Variants in CAMK2D observed in about 807,000 individuals in gnomAD.
CAMK2D encodes the protein calcium/calmodulin-dependent protein kinase type II subunit delta.
In CAMK2D, 37 loss-of-function variants were observed where a neutral mutation model predicts 84.0. That is an observed-to-expected ratio of 0.44 (90% CI 0.34 to 0.58). The LOEUF (loss-of-function observed/expected upper bound fraction) is 0.58. Among genes scored for constraint, CAMK2D ranks in the 20% least tolerant of loss-of-function variants. The probability of loss-of-function intolerance (pLI) is 0.02; values close to 1 mark genes in which losing one functional copy is unlikely to be tolerated. For missense variants in CAMK2D, 448 were observed against 652.5 expected, an observed-to-expected ratio of 0.69 and a Z score of 3.41; for synonymous variants, 202 against 212.5, an observed-to-expected ratio of 0.95 and a Z score of 0.43.
rs2099640930 is a variant in CAMK2D, at chr4:113,761,300, T to G, written c.-232A>C. The G allele has an allele frequency of 1.4e-6, 2 of 1,420,664 alleles. No individual in the cohort carries two copies. Among genetic ancestry groups the G allele is most frequent in the Admixed American group, 5.8e-5 (2 of 34,732 alleles). 88.0% of individuals were successfully genotyped at this position (1,420,664 alleles called of 1,614,324 possible). A position where few individuals can be genotyped will look rare whatever the true frequency, so the allele number is the denominator to read the frequency against. The stretch of plus-strand genomic sequence containing the variant: ...CACAGTCCGCCGATCCTCCTCCTCC[T>G]GCGGGCCTCGCTTCCTTCTTCTCCA... On this transcript the variant is annotated 5_prime_UTR_variant, in exon 1 of 21. Transcript: ENST00000511664.
At chr4:113,554,876 A>G (rs1391216657) in intron 4 of CAMK2D, among the ~76,000 whole-genome samples, 1 of 152,182 alleles carries the variant, frequency 6.6e-6, no homozygotes, top group Non-Finnish European at 1.5e-5. Context: ...GAGTTCTACT[A>G]TGATATGAAG....
At chr4:113,475,749 G>C (rs1472819613) in intron 16 of CAMK2D, among the ~76,000 whole-genome samples, 2 of 152,214 alleles carry the variant, frequency 1.3e-5, no homozygotes, top group African/African-American at 4.8e-5. Context: ...ATATGCAGCA[G>C]CATCTCCGAT....
At chr4:113,658,822 T>G (rs2099214373) in intron 3 of CAMK2D, among the ~76,000 whole-genome samples, 1 of 152,206 alleles carries the variant, frequency 6.6e-6, no homozygotes, top group Non-Finnish European at 1.5e-5. Flanking sequence ...ACTCGAAATC[T>G]CTCTTGTGGT....
At chr4:113,511,715 A>C (rs1054337889) in intron 12 of CAMK2D, among the ~76,000 whole-genome samples, 1 of 152,244 alleles carries the variant, frequency 6.6e-6, no homozygotes, top group Non-Finnish European at 1.5e-5. Flanking sequence ...TGAAACAGGT[A>C]ACTTGACAAA....
intron 13 of CAMK2D, among the ~76,000 whole-genome samples, chr4:113,505,527 G>C (rs1052740281): frequency 6.6e-6 from 1 of 152,086 alleles, no homozygotes; most frequent in African/African-American, 2.4e-5. Flanking sequence ...TGAAAATTTA[G>C]ATCTTCTGAG....
intron 2 of CAMK2D, chr4:113,677,420 A>G: frequency 6.2e-6 from 1 of 162,512 alleles, no homozygotes; most frequent in Non-Finnish European, 1.3e-5. Flanking sequence ...TATTTATTAA[A>G]TGCATTCAGA....
At chr4:113,641,551 A>G (rs2099132289) in intron 3 of CAMK2D, among the ~76,000 whole-genome samples, 1 of 152,222 alleles carries the variant, frequency 6.6e-6, no homozygotes, top group Non-Finnish European at 1.5e-5. Context: ...CGAAAGTGAT[A>G]AAGAGGACAG....
Position 113,672,229 on chromosome 4 carries a change from T to G in CAMK2D, c.161-10457A>C, listed in dbSNP as rs368431582. Among the ~76,000 whole-genome samples the G allele has an allele frequency of 4.6e-5, 7 of 152,262 alleles. No individual in the cohort carries two copies. In the East Asian group the frequency reaches 1.2e-3, roughly 25 times the overall value. ...TATCTTATATTACATTAGTCATGAG[T>G]GACCCGCCATAGTAAAATGATCACT... On this transcript the variant is annotated intron_variant, in intron 2 of 20. Coordinates refer to ENST00000511664, the MANE Select transcript of CAMK2D (RefSeq NM_001321571.2).
chr4:113,551,558 A>G (rs1352928931), intron 5 of CAMK2D, among the ~76,000 whole-genome samples: 1 of 152,156 alleles, frequency 6.6e-6, no homozygotes, highest in African/African-American at 2.4e-5. Context: ...GGTCTGGCCA[A>G]TTGGTAGCTA....
intron 2 of CAMK2D, among the ~76,000 whole-genome samples, chr4:113,748,128 A>G (rs925601248): frequency 6.6e-6 from 1 of 152,112 alleles, no homozygotes; most frequent in African/African-American, 2.4e-5. Flanking sequence ...CCCAACAGTT[A>G]TCTCCTACAC....
chr4:113,609,269 C>A (rs1290200322), intron 3 of CAMK2D, 63 bp from the exon 4 acceptor site: 3 of 845,738 alleles, frequency 3.5e-6, no homozygotes, highest in Middle Eastern at 2.2e-4. Context: ...CGTTAAACCC[C>A]ACTTCACATG....
At chr4:113,462,266 A>G (rs1016345267) in intron 17 of CAMK2D, among the ~76,000 whole-genome samples, 34 of 109,940 alleles carry the variant, frequency 3.1e-4, no homozygotes, top group African/African-American at 1.1e-3. Context: ...ATATTTGGAA[A>G]TGTGTGTGTG....
rs1415075415 is a variant in CAMK2D at position 113,739,220 on chromosome 4, A to G, written c.160+20100T>C. 2.0e-5 allele frequency among the ~76,000 whole-genome samples: 3 copies of G among 152,192 alleles called. No homozygotes were observed. The East Asian group carries it at 5.8e-4, about 29-fold the overall frequency. On this transcript the variant is annotated intron_variant, in intron 2 of 20. Transcript: ENST00000511664. Reference sequence around the variant, plus strand: ...CAATGAATCCTAAATGTACTCTTCAATTTAAAAGATTAAAATGGAAACTTC... The same window carrying G: ...CAATGAATCCTAAATGTACTCTTCAGTTTAAAAGATTAAAATGGAAACTTC...
At chr4:113,676,966 T>A (rs965585004) in intron 2 of CAMK2D, among the ~76,000 whole-genome samples, 1 of 152,194 alleles carries the variant, frequency 6.6e-6, no homozygotes, top group Non-Finnish European at 1.5e-5. Context: ...TGTTAATCTG[T>A]CCTATGTCAA....
At chr4:113,469,436 C>T (rs192296278) in intron 16 of CAMK2D, among the ~76,000 whole-genome samples, 1 of 152,308 alleles carries the variant, frequency 6.6e-6, no homozygotes, top group East Asian at 1.9e-4. Context: ...TGTTATCCTT[C>T]TCTACCTGGA....
At chr4:113,701,052 A>G (rs943874967) in intron 2 of CAMK2D, among the ~76,000 whole-genome samples, 1 of 152,216 alleles carries the variant, frequency 6.6e-6, no homozygotes, top group African/African-American at 2.4e-5. Flanking sequence ...AAATTAGCAG[A>G]CAAATGGATA....
In CAMK2D at chr4:113,519,375, T is replaced by C. The variant is rs142756996; in HGVS notation, c.602-1718A>G. On this transcript the variant is annotated intron_variant, in intron 8 of 20. Coordinates refer to ENST00000511664, the MANE Select transcript of CAMK2D (RefSeq NM_001321571.2). ...TGGGAAGAGGAAGCTCACAGAGGGCTCATTCCATGAGAAAAGCAGGCAATA... is the reference window on the plus strand; with the variant it reads ...TGGGAAGAGGAAGCTCACAGAGGGCCCATTCCATGAGAAAAGCAGGCAATA... 1.2e-3 allele frequency among the ~76,000 whole-genome samples: 182 copies of C among 152,294 alleles called. 3 individuals carry two copies. The East Asian group carries it at 0.027, about 23-fold the overall frequency.
At chr4:113,478,345 A>G (rs1219086150) in intron 16 of CAMK2D, among the ~76,000 whole-genome samples, 1 of 152,242 alleles carries the variant, frequency 6.6e-6, no homozygotes, top group African/African-American at 2.4e-5. Context: ...ACTCAGGTAC[A>G]GATGTTTACA....
chr4:113,680,992 A>G (rs944441918), intron 2 of CAMK2D, among the ~76,000 whole-genome samples: 2 of 152,152 alleles, frequency 1.3e-5, no homozygotes, highest in Admixed American at 1.3e-4. Context: ...GTACAAAAGG[A>G]TTTCTGTAAT....
Sources: gnomAD v4.1 joint callset for allele counts (sites outside exome capture counted in the v4.1 genomes callset) on GRCh38, gnomAD v4.1.1 for gene constraint, MANE v1.5 for transcripts, NCBI Gene and HGNC (gene_info 2026-07-23, HGNC 2026-07-21) for gene names.